The following LNPEP variants were observed in gnomAD, a reference collection of about 807,000 sequenced individuals.
The protein encoded by LNPEP is leucyl and cystinyl aminopeptidase, also known as leucyl-cystinyl aminopeptidase.
Under a neutral mutation model 120.6 loss-of-function variants are expected in LNPEP, and 64 were observed. The ratio of observed to expected loss-of-function variants is 0.53; its 90% CI spans 0.43 to 0.65. The LOEUF is 0.65. LNPEP is among the 30% of genes least tolerant of loss of function. LNPEP has a pLI of 0.00. For synonymous variants in LNPEP, 435 were observed against 425.4 expected (o/e 1.02, Z -0.28); for missense variants, 1,057 against 1,200.0 (o/e 0.88, Z 1.76).
At chr5:96,992,029 A>G (rs1262776642) in intron 4 of LNPEP, among the ~76,000 whole-genome samples, 1 of 111,692 alleles carries the variant, frequency 9.0e-6, no homozygotes, top group Non-Finnish European at 2.0e-5. Flanking sequence ...AATCAATTAG[A>G]AAAAAATAAA....
At chr5:96,966,646 G>T (rs1789733523) in intron 1 of LNPEP, among the ~76,000 whole-genome samples, 1 of 151,198 alleles carries the variant, frequency 6.6e-6, no homozygotes, top group South Asian at 2.1e-4. Context: ...GTAAAATGTG[G>T]ATAATAACTG....
At chr5:96,972,423 A>G (rs1402276230) in intron 1 of LNPEP, among the ~76,000 whole-genome samples, 1 of 152,036 alleles carries the variant, frequency 6.6e-6, no homozygotes, top group African/African-American at 2.4e-5. Context: ...ACTTCCCTGC[A>G]CTGCTTGACC....
chr5:97,026,670 T>C lies in LNPEP; in HGVS notation c.2777T>C (p.Phe926Ser), dbSNP rs1200552532. 6.2e-7 allele frequency: 1 copy of C among 1,613,214 alleles called. No individual in the cohort carries two copies. Among genetic ancestry groups the C allele is most frequent in the South Asian group, 1.1e-5 (1 of 91,052 alleles). Reference sequence around the variant, plus strand: ...AACTTCCGAACACAGAAGCTGTCTTTTATCATTAGAACAGTGGGTCGACAT... The same window carrying C: ...AACTTCCGAACACAGAAGCTGTCTTCTATCATTAGAACAGTGGGTCGACAT... The part of the protein sequence containing the change: ...GDNFRTQKLS[F>S]IIRTVGRHFP... Residue 926 changes from phenylalanine (F) to serine (S), a missense_variant, in exon 16 of 18, where the codon TTT (phenylalanine) becomes TCT (serine). Coordinates refer to ENST00000231368, the MANE Select transcript of LNPEP (RefSeq NM_005575.3).
chr5:96,979,908 T>G lies in LNPEP; in HGVS notation c.790T>G (p.Ser264Ala). Residue 264 changes from serine (S) to alanine (A), a missense_variant, in exon 2 of 18, where the codon TCG (serine) becomes GCG (alanine). By Grantham distance (99) the Ser-to-Ala change is moderately conservative. Transcript: ENST00000231368. ...CAATTATACGTTGAAGATAGAGTAC[T>G]CGGCAAATATATCTAGTTCTTATTA... ...GHNYTLKIEY[S>A]ANISSSYYGF... 6.2e-7 allele frequency: 1 copy of G among 1,613,716 alleles called. No individual in the cohort carries two copies. The highest frequency in any genetic ancestry group is 8.5e-7 in the Non-Finnish European group (1 of 1,179,728).
chr5:96,992,123 T>A (rs1037742528), intron 4 of LNPEP, among the ~76,000 whole-genome samples: 7 of 152,206 alleles, frequency 4.6e-5, no homozygotes, highest in Non-Finnish European at 1.0e-4. Flanking sequence ...GTTTATAGTT[T>A]GTCGCATCAT....
intron 11 of LNPEP, 66 bp from the exon 12 acceptor site, chr5:97,013,582 T>G: frequency 1.2e-6 from 1 of 842,720 alleles, no homozygotes. Context: ...AACAAAGCAC[T>G]CATAATTTTT....
Position 96,961,031 on chromosome 5 carries a change from T to A in LNPEP, c.20-18107T>A, listed in dbSNP as rs926256775. On this transcript the variant is annotated intron_variant, in intron 1 of 17. Coordinates refer to ENST00000231368, the MANE Select transcript of LNPEP (RefSeq NM_005575.3). ...TTTTGAGAATTCATTTTATTATAAA[T>A]GTGAAAGTTCATTTAAATATTGTGT... Among the ~76,000 whole-genome samples the A allele has an allele frequency of 5.3e-4, 81 of 152,194 alleles. 1 individual carries two copies. The highest frequency in any genetic ancestry group is 8.8e-5 in the Non-Finnish European group (6 of 68,020).
rs753552114 is a variant in LNPEP, at chr5:96,938,343, C to A, written c.19+2169C>A. On this transcript the variant is annotated intron_variant, in intron 1 of 17. Transcript: ENST00000231368. ...TATTGGATTTTGTTACACGTTCATC[C>A]TCTTTTAATGGAATCTTTCCCACTT... Among the ~76,000 whole-genome samples, 29 of 152,272 alleles carry A rather than the reference C, an allele frequency of 1.9e-4. 1 individual carries two copies. Among genetic ancestry groups the A allele is most frequent in the Admixed American group, 1.1e-3 (17 of 15,296 alleles).
intron 8 of LNPEP, among the ~76,000 whole-genome samples, chr5:96,998,721 G>T (rs1790576361): frequency 6.6e-6 from 1 of 152,142 alleles, no homozygotes; most frequent in Non-Finnish European, 1.5e-5. Flanking sequence ...AGACAAGATA[G>T]AGAAGAAAAT....
chr5:96,952,094 ATATT>A (rs1016794281), intron 1 of LNPEP, among the ~76,000 whole-genome samples: 10 of 152,154 alleles, frequency 6.6e-5, no homozygotes, highest in Non-Finnish European at 1.3e-4. Flanking sequence ...CATTTTAAAA[ATATT>A]TATTTAATAA....
In LNPEP at chr5:97,008,767, T is replaced by C. The variant is rs555228294; in HGVS notation, c.2035+2252T>C. Among the ~76,000 whole-genome samples the C allele has an allele frequency of 2.0e-4, 29 of 148,098 alleles. No individual in the cohort carries two copies. In the East Asian group the frequency reaches 2.4e-3, roughly 12 times the overall value. The stretch of plus-strand genomic sequence containing the variant: ...GCAAGCTCCGCCTCCCGGGTTCACG[T>C]CATTCTCCTGCCTCAGCCTCCTGAG... On this transcript the variant is annotated intron_variant, in intron 11 of 17. Coordinates refer to ENST00000231368, the MANE Select transcript of LNPEP (RefSeq NM_005575.3).
chr5:96,998,181 TTAAAATTTCG>T, intron 8 of LNPEP, 36 bp downstream of exon 8: 1 of 1,527,416 alleles, frequency 6.5e-7, no homozygotes, highest in Admixed American at 2.1e-5. Context: ...TGGAGTGGGT[TTAAAATTTCG>T]TATAATTTCG....
chr5:96,962,180 T>C (rs1789622200), intron 1 of LNPEP, among the ~76,000 whole-genome samples: 1 of 152,186 alleles, frequency 6.6e-6, no homozygotes, highest in Admixed American at 6.5e-5. Flanking sequence ...CCAGAGGCTA[T>C]GTAGACATGA....
At chr5:96,968,145 T>C (rs1409342836) in intron 1 of LNPEP, among the ~76,000 whole-genome samples, 1 of 152,074 alleles carries the variant, frequency 6.6e-6, no homozygotes, top group Non-Finnish European at 1.5e-5. Context: ...CATAATTTCC[T>C]TTTTCCAGGG....
At chr5:96,950,629 C>G in intron 1 of LNPEP, among the ~76,000 whole-genome samples, 1 of 152,110 alleles carries the variant, frequency 6.6e-6, no homozygotes, top group South Asian at 2.1e-4. Context: ...GCAGTATGAG[C>G]TGAGGTATGA....
At chr5:96,960,786 AG>A (rs1254658080) in intron 1 of LNPEP, among the ~76,000 whole-genome samples, 1 of 146,150 alleles carries the variant, frequency 6.8e-6, no homozygotes, top group Non-Finnish European at 1.5e-5. Context: ...TACTGTTCTA[AG>A]AATCAAATAG....
At chr5:97,010,088 G>A (rs1790889955) in intron 11 of LNPEP, 1 of 169,478 alleles carries the variant, frequency 5.9e-6, no homozygotes. Context: ...CATGAGTTTT[G>A]AACAATTAGT....
At chr5:96,977,850 C>T (rs1790038825) in intron 1 of LNPEP, among the ~76,000 whole-genome samples, 1 of 152,058 alleles carries the variant, frequency 6.6e-6, no homozygotes, top group Admixed American at 6.6e-5. Flanking sequence ...ATTCAGGGCT[C>T]TCATCTTTTA....
chr5:97,002,802 G>A (rs538441699), intron 8 of LNPEP, among the ~76,000 whole-genome samples: 1 of 152,286 alleles, frequency 6.6e-6, no homozygotes, highest in African/African-American at 2.4e-5. Context: ...TCAGGATTGC[G>A]AATGATGACA....
Sources: gnomAD v4.1 joint callset for allele counts (sites outside exome capture counted in the v4.1 genomes callset) on GRCh38, gnomAD v4.1.1 for gene constraint, MANE v1.5 for transcripts, NCBI Gene and HGNC (gene_info 2026-07-23, HGNC 2026-07-21) for gene names.